Variants in TPX2 observed in about 807,000 individuals in gnomAD.
TPX2 encodes targeting protein for Xklp2.
A neutral mutation model predicts 93.6 loss-of-function variants in TPX2; 21 were observed. The ratio of observed to expected loss-of-function variants is 0.22; its 90% CI spans 0.16 to 0.32. The LOEUF (loss-of-function observed/expected upper bound fraction) is 0.32. Among genes scored for constraint, TPX2 ranks in the 10% least tolerant of loss-of-function variants. TPX2 has a pLI of 1.00. For synonymous variants in TPX2, 281 were observed against 298.3 expected (o/e 0.94, Z 0.60); for missense variants, 776 against 871.1 (o/e 0.89, Z 1.37).
intron 9 of TPX2, 44 bp from the exon 10 acceptor site, chr20:31,778,769 T>C: frequency 6.7e-7 from 1 of 1,502,342 alleles, no homozygotes; most frequent in Admixed American, 2.4e-5. Context: ...AGATGTGAGC[T>C]CTTCCGTGAC....
intron 2 of TPX2, among the ~76,000 whole-genome samples, chr20:31,744,857 C>T (rs8126355): frequency 0.28 from 43,037 of 152,020 alleles, 7,469 homozygotes; most frequent in African/African-American, 0.48. Context: ...GAGGCTGAGG[C>T]GGGCAGATCA....
In TPX2 at chr20:31,744,149, AT is replaced by A. The variant is rs1210251519; in HGVS notation, c.-71+1509del. ...AATCATACACTAAAAACTTTTGTTAATTTTTTTAACTTTTTTTTTTTTTTTT... is the reference window on the plus strand; with the variant it reads ...AATCATACACTAAAAACTTTTGTTAATTTTTTAACTTTTTTTTTTTTTTTT... On this transcript the variant is annotated intron_variant, in intron 2 of 17. Coordinates refer to ENST00000300403, the MANE Select transcript of TPX2 (RefSeq NM_012112.5). Among the ~76,000 whole-genome samples, 7 of 144,840 alleles carry A rather than the reference AT, an allele frequency of 4.8e-5. No homozygotes were observed. In the East Asian group the frequency reaches 1.4e-3, roughly 29 times the overall value.
chr20:31,796,614 TC>T lies in TPX2; in HGVS notation c.1834-787del, dbSNP rs1161395996. On this transcript the variant is annotated intron_variant, in intron 15 of 17. Coordinates refer to ENST00000300403, the MANE Select transcript of TPX2 (RefSeq NM_012112.5). ...ACAATCTGGATTTTGCTGATTGCGT[TC>T]CCACACAGTTGTCTAACATGTTCCT... 6.6e-5 allele frequency among the ~76,000 whole-genome samples: 10 copies of T among 152,300 alleles called. No homozygotes were observed. The South Asian group carries it at 1.2e-3, about 19-fold the overall frequency.
chr20:31,784,627 G>C (rs571569457), intron 12 of TPX2, among the ~76,000 whole-genome samples: 1 of 152,310 alleles, frequency 6.6e-6, no homozygotes, highest in East Asian at 1.9e-4. Flanking sequence ...TAAAAAGCCT[G>C]ACGGTGGGAA....
At chr20:31,745,069 A>G (rs1377511921) in intron 2 of TPX2, among the ~76,000 whole-genome samples, 1 of 152,194 alleles carries the variant, frequency 6.6e-6, no homozygotes, top group Non-Finnish European at 1.5e-5. Flanking sequence ...CAGCCTAGGC[A>G]ACAGCGAGAC....
intron 2 of TPX2, among the ~76,000 whole-genome samples, chr20:31,751,310 A>G (rs1032493316): frequency 6.6e-6 from 1 of 152,114 alleles, no homozygotes; most frequent in Admixed American, 6.6e-5. Flanking sequence ...CCCCAGCTTT[A>G]GTCGTCTTCA....
Position 31,798,524 on chromosome 20 carries a change from A to G in TPX2, c.2105A>G (p.Glu702Gly). The G allele has an allele frequency of 6.2e-7, 1 of 1,611,798 alleles. No homozygotes were observed. Among genetic ancestry groups the G allele is most frequent in the Non-Finnish European group, 8.5e-7 (1 of 1,179,654 alleles). The change falls in exon 17 of 18, where the codon GAG (glutamate) becomes GGG (glycine). Residue 702 changes from glutamate to glycine, a missense_variant. Around this residue, in one of 3 missense-constraint regions of TPX2, gnomAD observed 461 missense variants for 551.2 expected, o/e 0.84. Transcript: ENST00000300403. ...CTACAGGAGGAAGAGCAGAAAAAAG[A>G]GGAGCTGGCCAGGCTACGGAGAGAA... is the stretch of plus-strand genomic sequence containing the variant. ...ARLQEEEQKK[E>G]ELARLRRELV...
chr20:31,789,744 T>C (rs1010308633), intron 12 of TPX2, among the ~76,000 whole-genome samples: 2 of 152,098 alleles, frequency 1.3e-5, no homozygotes, highest in Admixed American at 1.3e-4. Flanking sequence ...GCAAAGATGA[T>C]TTTCATAAAT....
At chr20:31,780,295 G>A (rs1488494729) in intron 10 of TPX2, among the ~76,000 whole-genome samples, 11 of 151,888 alleles carry the variant, frequency 7.2e-5, no homozygotes, top group African/African-American at 1.4e-4. Flanking sequence ...CAAGTGATCC[G>A]CCCGCCTCAA....
intron 4 of TPX2, 36 bp from the exon 5 acceptor site, chr20:31,766,520 G>T: frequency 6.4e-7 from 1 of 1,567,940 alleles, no homozygotes; most frequent in Admixed American, 1.7e-5. Flanking sequence ...ATTTTCCTTG[G>T]CCTTTGAGTG....
At chr20:31,795,884 T>C (rs1375969219) in intron 15 of TPX2, among the ~76,000 whole-genome samples, 3 of 152,248 alleles carry the variant, frequency 2.0e-5, no homozygotes, top group African/African-American at 7.2e-5. Context: ...TTTTATGTCA[T>C]CATTAATCTT....
chr20:31,774,417 TA>T (rs1265091441), intron 7 of TPX2, among the ~76,000 whole-genome samples: 1 of 152,272 alleles, frequency 6.6e-6, no homozygotes, highest in African/African-American at 2.4e-5. Context: ...GTTTCCTTTT[TA>T]TTTTTTTTCT....
chr20:31,786,313 G>T (rs542675608), intron 12 of TPX2, among the ~76,000 whole-genome samples: 1 of 147,694 alleles, frequency 6.8e-6, no homozygotes, highest in Admixed American at 6.8e-5. Flanking sequence ...TTCTTAGGAA[G>T]TATGTGCTTA....
intron 5 of TPX2, among the ~76,000 whole-genome samples, chr20:31,767,370 CTTTTTCTTT>C (rs112772945): frequency 0.087 from 13,281 of 151,888 alleles, 643 homozygotes; most frequent in African/African-American, 0.14. Context: ...CTTTAGCTCT[CTTTTTCTTT>C]TTTTTCTTTG....
chr20:31,781,903 T>C (rs1769959822), intron 10 of TPX2, among the ~76,000 whole-genome samples: 1 of 151,912 alleles, frequency 6.6e-6, no homozygotes, highest in South Asian at 2.1e-4. Flanking sequence ...TTTATGCCCC[T>C]GCACTCTAGC....
At position 31,771,609 on chromosome 20, in the gene TPX2, A is replaced by G; in HGVS notation, c.535A>G (p.Thr179Ala). The change falls in exon 7 of 18, where the codon ACT becomes GCT. Residue 179 changes from threonine to alanine, a missense_variant. Thr to Ala is a moderately conservative substitution (Grantham distance 58, BLOSUM62 0). Transcript: ENST00000300403. ...PEEEGSAHQD[T>A]AEKNASSPEK... ...GGAAGAAGGCAGTGCTCATCAAGATACTGCTGAAAAGAATGCATCTTCCCC... is the reference window on the plus strand; with the variant it reads ...GGAAGAAGGCAGTGCTCATCAAGATGCTGCTGAAAAGAATGCATCTTCCCC... 6.2e-7 allele frequency: 1 copy of G among 1,614,026 alleles called. No homozygotes were observed. The highest frequency in any genetic ancestry group is 1.1e-5 in the South Asian group (1 of 91,058).
rs1056510920 is a variant in TPX2, at chr20:31,800,822, C to T, written c.2134-148C>T. 3 of 669,924 alleles carry T rather than the reference C, an allele frequency of 4.5e-6. 1 individual carries two copies. The highest frequency in any genetic ancestry group is 3.6e-5 in the South Asian group (2 of 56,236). The allele number at this position is 669,924 out of a possible 1,614,324, so 41.5% of individuals were successfully genotyped here. A position where few individuals can be genotyped will look rare whatever the true frequency, so the allele number is the denominator to read the frequency against. On this transcript the variant is annotated intron_variant, in intron 17 of 17. Transcript: ENST00000300403. ...TACACTTTTCCATCATACCGTGTTG[C>T]CCCCCAGGCCCCACTCCCCACACCT...
At chr20:31,774,494 T>C (rs1600378272) in intron 7 of TPX2, among the ~76,000 whole-genome samples, 1 of 152,332 alleles carries the variant, frequency 6.6e-6, no homozygotes, top group East Asian at 1.9e-4. Flanking sequence ...ATGGATACTC[T>C]GTGTTGAACA....
intron 17 of TPX2, among the ~76,000 whole-genome samples, chr20:31,799,897 CAAAAAA>C (rs533016889): frequency 7.3e-4 from 47 of 63,986 alleles, no homozygotes; most frequent in Admixed American, 1.1e-3. Context: ...GAGACTGTCT[CAAAAAA>C]AAAAAAAAAA....
Sources: allele counts gnomAD v4.1 joint callset (sites outside exome capture counted in the v4.1 genomes callset), GRCh38; gene constraint gnomAD v4.1.1; regional missense constraint gnomAD v4.1.1; transcripts MANE v1.5; gene names NCBI Gene and HGNC (gene_info 2026-07-23, HGNC 2026-07-21).